Variants in OPCML observed in about 807,000 individuals in gnomAD.
OPCML encodes opioid binding protein/cell adhesion molecule like.
A neutral mutation model predicts 37.8 loss-of-function variants in OPCML; 13 were observed. The observed-to-expected ratio is 0.34, with a 90% CI of 0.22 to 0.55. The LOEUF (loss-of-function observed/expected upper bound fraction) is 0.55. OPCML is among the 20% of genes least tolerant of loss of function. The pLI, the probability that OPCML is intolerant of heterozygous loss-of-function variation, is 0.91. For synonymous variants in OPCML, 176 were observed against 168.8 expected (o/e 1.04, Z -0.33); for missense variants, 341 against 435.6 (o/e 0.78, Z 1.93).
At chr11:133,059,761 A>G (rs1426096200) in intron 1 of OPCML, among the ~76,000 whole-genome samples, 1 of 152,216 alleles carries the variant, frequency 6.6e-6, no homozygotes, top group East Asian at 1.9e-4. Flanking sequence ...TTCATGGAGC[A>G]CAATATGTGC....
intron 2 of OPCML, among the ~76,000 whole-genome samples, chr11:132,660,086 ATAAT>A (rs1941894580): frequency 6.6e-6 from 1 of 152,228 alleles, no homozygotes; most frequent in Admixed American, 6.5e-5. Context: ...TCGTTAAGCA[ATAAT>A]TAAACATGAA....
At chr11:133,481,443 A>AT (rs10677098) in intron 1 of OPCML, among the ~76,000 whole-genome samples, 23,632 of 150,072 alleles carry the variant, frequency 0.16, 1,998 homozygotes, top group Admixed American at 0.23. Context: ...CCCCAGTTAA[A>AT]AAAATAAATA....
intron 2 of OPCML, among the ~76,000 whole-genome samples, chr11:132,900,516 C>A (rs757673888): frequency 1.3e-5 from 2 of 152,182 alleles, no homozygotes; most frequent in African/African-American, 2.4e-5. Flanking sequence ...TATCTTTAAA[C>A]AAACAAACAA....
At chr11:133,055,764 C>A (rs550779968) in intron 1 of OPCML, among the ~76,000 whole-genome samples, 113 of 150,926 alleles carry the variant, frequency 7.5e-4, no homozygotes, top group Non-Finnish European at 1.1e-3. Context: ...AGTAGTGAGA[C>A]TCCATGAGGG....
intron 2 of OPCML, among the ~76,000 whole-genome samples, chr11:132,907,570 G>A (rs188926360): frequency 1.3e-4 from 19 of 151,346 alleles, no homozygotes; most frequent in Non-Finnish European, 1.3e-4. Context: ...GATGGAGGTC[G>A]CAGTGAGCCG....
chr11:133,329,942 G>A (rs1284198550), intron 1 of OPCML, among the ~76,000 whole-genome samples: 1 of 152,100 alleles, frequency 6.6e-6, no homozygotes, highest in Non-Finnish European at 1.5e-5. Context: ...CTACTCATCT[G>A]ACAAAGGGCT....
rs76156788 is a variant in OPCML at position 133,322,472 on chromosome 11, A to G, written c.61+209792T>C. Among the ~76,000 whole-genome samples the G allele has an allele frequency of 3.6e-3, 548 of 152,314 alleles. 2 individuals are homozygous for G. The highest frequency in any genetic ancestry group is 0.013 in the African/African-American group (535 of 41,564). The stretch of plus-strand genomic sequence containing the variant: ...CAAACACAAATGCTTAGGTCCCACC[A>G]TCCAAATAAGTTGAATTAACAAGAC... On this transcript the variant is annotated intron_variant, in intron 1 of 7. Transcript: ENST00000524381.
chr11:133,284,351 C>T (rs571442777), intron 1 of OPCML, among the ~76,000 whole-genome samples: 1 of 152,290 alleles, frequency 6.6e-6, no homozygotes, highest in Non-Finnish European at 1.5e-5. Flanking sequence ...CACAGCAGGT[C>T]TTGGCAGCGG....
intron 4 of OPCML, among the ~76,000 whole-genome samples, chr11:132,469,306 G>A (rs548158347): frequency 6.6e-6 from 1 of 152,318 alleles, no homozygotes; most frequent in South Asian, 2.1e-4. Flanking sequence ...GTGCGACATG[G>A]AGAGAATTTT....
chr11:133,228,489 T>C (rs1940136489), intron 1 of OPCML, among the ~76,000 whole-genome samples: 1 of 152,266 alleles, frequency 6.6e-6, no homozygotes, highest in African/African-American at 2.4e-5. Flanking sequence ...TTCAAACTCA[T>C]CCACAGTCCC....
chr11:132,599,116 T>C (rs1937647810), intron 3 of OPCML, among the ~76,000 whole-genome samples: 1 of 152,032 alleles, frequency 6.6e-6, no homozygotes, highest in Non-Finnish European at 1.5e-5. Flanking sequence ...CCATCTCTAC[T>C]AAAAATACAA....
chr11:133,064,897 G>T (rs181997770), intron 1 of OPCML: 2 of 152,202 alleles, frequency 1.3e-5, no homozygotes, highest in African/African-American at 4.8e-5. Flanking sequence ...CGTCCACCAG[G>T]TAGACAGGAC....
intron 4 of OPCML, among the ~76,000 whole-genome samples, chr11:132,474,710 A>T (rs1223708430): frequency 2.0e-5 from 3 of 152,126 alleles, no homozygotes; most frequent in Non-Finnish European, 4.4e-5. Context: ...CTTCTGTCTC[A>T]GTTCCCTGTT....
At chr11:133,069,063 G>T (rs753451153) in intron 1 of OPCML, among the ~76,000 whole-genome samples, 1 of 152,184 alleles carries the variant, frequency 6.6e-6, no homozygotes, top group Admixed American at 6.5e-5. Flanking sequence ...CTCAACCTCA[G>T]ATTTACTGAG....
intron 1 of OPCML, among the ~76,000 whole-genome samples, chr11:133,037,380 T>C (rs115409052): frequency 0.02 from 2,997 of 152,242 alleles, 100 homozygotes; most frequent in African/African-American, 0.068. Flanking sequence ...ACTGGAAGCG[T>C]TCAAGTTGAG....
At chr11:132,647,259 C>T (rs1941195833) in intron 3 of OPCML, among the ~76,000 whole-genome samples, 1 of 152,162 alleles carries the variant, frequency 6.6e-6, no homozygotes, top group Non-Finnish European at 1.5e-5. Flanking sequence ...TTCTCTGAGC[C>T]TTAGTTTTCT....
At chr11:132,643,015 A>C (rs1940944945) in intron 3 of OPCML, among the ~76,000 whole-genome samples, 1 of 152,188 alleles carries the variant, frequency 6.6e-6, no homozygotes, top group Non-Finnish European at 1.5e-5. Flanking sequence ...TGGTGTGGAA[A>C]GGAAGGAGGG....
At chr11:133,310,548 T>C (rs1457551808) in intron 1 of OPCML, among the ~76,000 whole-genome samples, 1 of 152,146 alleles carries the variant, frequency 6.6e-6, no homozygotes, top group African/African-American at 2.4e-5. Context: ...TCATCAACAG[T>C]CTTATTTTCT....
At chr11:132,495,632 C>T (rs2096228789) in intron 4 of OPCML, among the ~76,000 whole-genome samples, 2 of 152,154 alleles carry the variant, frequency 1.3e-5, no homozygotes, top group Non-Finnish European at 2.9e-5. Flanking sequence ...TGGCTCATGC[C>T]TATAATCCCA....
Sources: gnomAD v4.1 joint callset for allele counts (sites outside exome capture counted in the v4.1 genomes callset) on GRCh38, gnomAD v4.1.1 for gene constraint, MANE v1.5 for transcripts, NCBI Gene and HGNC (gene_info 2026-07-23, HGNC 2026-07-21) for gene names.